Variants in ARHGAP24 observed in about 807,000 individuals in gnomAD.
The protein encoded by ARHGAP24 is rho GTPase-activating protein 24.
Under a neutral mutation model 76.4 loss-of-function variants are expected in ARHGAP24, and 50 were observed. The observed-to-expected ratio is 0.65, with a 90% CI of 0.52 to 0.83. ARHGAP24 has a LOEUF of 0.83. Ranked by LOEUF, ARHGAP24 falls within the 40% of genes least tolerant of loss-of-function variation. The pLI, the probability that ARHGAP24 is intolerant of heterozygous loss-of-function variation, is 0.00. For synonymous variants in ARHGAP24, 345 were observed against 323.3 expected, an observed-to-expected ratio of 1.07 and a Z score of -0.72; for missense variants, 930 against 914.2, an observed-to-expected ratio of 1.02 and a Z score of -0.22.
chr4:85,696,119 A>C (rs545761070), intron 2 of ARHGAP24, among the ~76,000 whole-genome samples: 29 of 152,154 alleles, frequency 1.9e-4, no homozygotes, highest in African/African-American at 6.3e-4. Context: ...TTTAGGATCC[A>C]ACAGCTTTTA....
At chr4:85,627,695 C>T (rs1001963446) in intron 2 of ARHGAP24, among the ~76,000 whole-genome samples, 2 of 152,226 alleles carry the variant, frequency 1.3e-5, no homozygotes, top group African/African-American at 2.4e-5. Flanking sequence ...AGGCAGGCCT[C>T]CTTGAGCTGT....
At chr4:85,583,857 G>C (rs1042477338) in intron 2 of ARHGAP24, among the ~76,000 whole-genome samples, 9 of 140,982 alleles carry the variant, frequency 6.4e-5, no homozygotes, top group Non-Finnish European at 6.2e-5. Flanking sequence ...ACCATCACTG[G>C]CCATCAGAGA....
At chr4:85,753,985 A>G (rs1306070643) in intron 3 of ARHGAP24, among the ~76,000 whole-genome samples, 2 of 152,116 alleles carry the variant, frequency 1.3e-5, no homozygotes, top group Non-Finnish European at 2.9e-5. Context: ...TAATTTTTCT[A>G]TTGCCCTCTA....
At chr4:85,631,019 A>G (rs1302435299) in intron 2 of ARHGAP24, among the ~76,000 whole-genome samples, 2 of 152,048 alleles carry the variant, frequency 1.3e-5, no homozygotes, top group Non-Finnish European at 2.9e-5. Flanking sequence ...GTGTATACAC[A>G]CACACATTCT....
chr4:85,974,814 TG>T, intron 6 of ARHGAP24, 73 bp from the exon 7 acceptor site: 1 of 1,395,988 alleles, frequency 7.2e-7, no homozygotes, highest in Non-Finnish European at 1.0e-6. Context: ...AAAAATTATA[TG>T]GCCATTTCGA....
intron 5 of ARHGAP24, among the ~76,000 whole-genome samples, chr4:85,960,723 A>G (rs1046800287): frequency 1.3e-5 from 2 of 152,140 alleles, no homozygotes; most frequent in Admixed American, 6.5e-5. Flanking sequence ...GAAAATTATC[A>G]TGTTGCAAAA....
intron 3 of ARHGAP24, among the ~76,000 whole-genome samples, chr4:85,726,945 T>G (rs13102580): frequency 0.42 from 64,219 of 151,910 alleles, 15,208 homozygotes; most frequent in East Asian, 0.91. Flanking sequence ...GAGGTAGGGG[T>G]ATCACCTGAG....
At chr4:85,879,881 G>A (rs1733145513) in intron 3 of ARHGAP24, among the ~76,000 whole-genome samples, 1 of 151,914 alleles carries the variant, frequency 6.6e-6, no homozygotes, top group African/African-American at 2.4e-5. Context: ...GATGTGGAAC[G>A]GCTTCCGAGG....
At chr4:85,752,860 T>C (rs1356617632) in intron 3 of ARHGAP24, among the ~76,000 whole-genome samples, 1 of 152,222 alleles carries the variant, frequency 6.6e-6, no homozygotes, top group African/African-American at 2.4e-5. Context: ...TAACATTGAT[T>C]TATGATTCTC....
chr4:85,689,040 T>C (rs536652291), intron 2 of ARHGAP24, among the ~76,000 whole-genome samples: 2 of 152,340 alleles, frequency 1.3e-5, no homozygotes, highest in South Asian at 4.1e-4. Flanking sequence ...GGCTCTTTTT[T>C]GGTTCCATAA....
At chr4:85,909,475 G>A (rs1202121158) in intron 3 of ARHGAP24, among the ~76,000 whole-genome samples, 1 of 152,116 alleles carries the variant, frequency 6.6e-6, no homozygotes, top group Non-Finnish European at 1.5e-5. Context: ...TTCAAGGAAT[G>A]TTGCCTTTAG....
At chr4:85,983,427 G>C (rs1739797757) in intron 8 of ARHGAP24, among the ~76,000 whole-genome samples, 1 of 152,014 alleles carries the variant, frequency 6.6e-6, no homozygotes, top group South Asian at 2.1e-4. Flanking sequence ...CTGCATCCTT[G>C]ACAGCATCTA....
intron 4 of ARHGAP24, chr4:85,930,836 A>G: frequency 6.3e-7 from 1 of 1,588,592 alleles, no homozygotes; most frequent in Non-Finnish European, 8.6e-7. Context: ...TTCAAAAATA[A>G]CAAGTAAACA....
At chr4:85,561,853 A>G (rs547634118) in intron 1 of ARHGAP24, among the ~76,000 whole-genome samples, 22 of 152,320 alleles carry the variant, frequency 1.4e-4, no homozygotes, top group African/African-American at 4.8e-4. Flanking sequence ...CAGAGAAATG[A>G]CAAGGAAAAC....
At chr4:85,835,562 A>C (rs571048064) in intron 3 of ARHGAP24, among the ~76,000 whole-genome samples, 122 of 151,916 alleles carry the variant, frequency 8.0e-4, no homozygotes, top group Non-Finnish European at 1.3e-3. Flanking sequence ...TCTCAAAAAA[A>C]AAAAAAAAAG....
At chr4:85,874,831 A>AAAATATATTTTTATATAATTTATATAT (rs1560688076) in intron 3 of ARHGAP24, among the ~76,000 whole-genome samples, 4 of 6,704 alleles carry the variant, frequency 6.0e-4, no homozygotes, top group African/African-American at 1.9e-3. Flanking sequence ...ATTTATATAT[A>AAAATATATTTTTATATAATTTATATAT]AAATATATTT....
At chr4:85,894,898 T>G (rs558786235) in intron 3 of ARHGAP24, among the ~76,000 whole-genome samples, 32 of 133,604 alleles carry the variant, frequency 2.4e-4, no homozygotes, top group African/African-American at 8.3e-4. Context: ...GAGGCAGAGG[T>G]TGCAGTGAGT....
At chr4:85,830,051 A>AG (rs1729912292) in intron 3 of ARHGAP24, among the ~76,000 whole-genome samples, 1 of 152,266 alleles carries the variant, frequency 6.6e-6, no homozygotes, top group African/African-American at 2.4e-5. Flanking sequence ...CTCCTAGTTA[A>AG]GGGGAAAGAT....
chr4:85,852,706 G>T (rs1731307935), intron 3 of ARHGAP24, among the ~76,000 whole-genome samples: 1 of 152,186 alleles, frequency 6.6e-6, no homozygotes, highest in African/African-American at 2.4e-5. Flanking sequence ...CTAACAGTCA[G>T]GTCCCTCAGC....
Sources: allele counts gnomAD v4.1 joint callset (sites outside exome capture counted in the v4.1 genomes callset), GRCh38; gene constraint gnomAD v4.1.1; transcripts MANE v1.5; gene names NCBI Gene and HGNC (gene_info 2026-07-23, HGNC 2026-07-21).